Variants in TSPEAR observed in about 807,000 individuals in gnomAD.
TSPEAR encodes the protein thrombospondin-type laminin G domain and EAR repeat-containing protein.
In TSPEAR, 69 loss-of-function variants were observed where a neutral mutation model predicts 71.6. The observed-to-expected ratio is 0.96, with a 90% CI of 0.79 to 1.18. TSPEAR has a LOEUF of 1.18. Ranked by LOEUF, TSPEAR falls within the 50% of genes most tolerant of loss-of-function variation. The pLI, the probability that TSPEAR is intolerant of heterozygous loss-of-function variation, is 0.00. For synonymous variants in TSPEAR, 402 were observed against 387.2 expected (o/e 1.04, Z -0.45); for missense variants, 971 against 894.9 (o/e 1.09, Z -1.09).
intron 1 of TSPEAR, chr21:44,579,718 G>A (rs1474564851): frequency 2.5e-6 from 4 of 1,583,516 alleles, no homozygotes; most frequent in South Asian, 1.2e-5. Flanking sequence ...TTGGCCCTGG[G>A]GGATGTGCAC....
At chr21:44,657,876 T>C in intron 1 of TSPEAR, 1 of 1,096,964 alleles carries the variant, frequency 9.1e-7, no homozygotes, top group Non-Finnish European at 1.3e-6. Flanking sequence ...CAGTTGTGTT[T>C]TTGTGTTACC....
chr21:44,682,101 G>T, intron 1 of TSPEAR: 1 of 1,613,848 alleles, frequency 6.2e-7, no homozygotes, highest in Non-Finnish European at 8.5e-7. Context: ...CTGGCAGCCC[G>T]AGGAGCAGCT....
chr21:44,535,898 A>C (rs1291704113), intron 2 of TSPEAR, among the ~76,000 whole-genome samples: 5 of 8,652 alleles, frequency 5.8e-4, no homozygotes, highest in African/African-American at 2.4e-3. Context: ...ATGTTTATCA[A>C]AAAAAAAAAA....
chr21:44,648,827 G>A (rs986199133), intron 1 of TSPEAR, among the ~76,000 whole-genome samples: 4 of 152,248 alleles, frequency 2.6e-5, no homozygotes, highest in African/African-American at 7.2e-5. Flanking sequence ...CTGACATGCA[G>A]GTCTGCTGGT....
At chr21:44,652,906 C>G (rs1555941746) in intron 1 of TSPEAR, among the ~76,000 whole-genome samples, 1 of 152,130 alleles carries the variant, frequency 6.6e-6, no homozygotes. Context: ...CCTGTAATCC[C>G]AGCACTTTGG....
At chr21:44,697,870 A>C (rs782486202) in intron 1 of TSPEAR, 59 of 1,603,078 alleles carry the variant, frequency 3.7e-5, no homozygotes, top group East Asian at 6.7e-5. Context: ...CCTGCCAGCC[A>C]AGCTGCGGCC....
intron 1 of TSPEAR, among the ~76,000 whole-genome samples, chr21:44,652,306 T>C (rs587696939): frequency 2.6e-5 from 4 of 152,296 alleles, no homozygotes; most frequent in African/African-American, 9.6e-5. Context: ...GTTTAATTTT[T>C]TTCCTTAGAT....
chr21:44,526,504 AAACC>A (rs1415812590), intron 7 of TSPEAR, among the ~76,000 whole-genome samples: 1 of 152,124 alleles, frequency 6.6e-6, no homozygotes, highest in South Asian at 2.1e-4. Flanking sequence ...AAAAAAAAAA[AAACC>A]AACTAGTTAT....
At chr21:44,666,551 A>G in intron 1 of TSPEAR, 8 of 1,613,012 alleles carry the variant, frequency 5.0e-6, no homozygotes, top group Middle Eastern at 1.7e-4. Flanking sequence ...CATACACGAC[A>G]GGCCTGCAGC....
chr21:44,601,321 T>C (rs1213372112), intron 1 of TSPEAR: 5 of 1,611,710 alleles, frequency 3.1e-6, no homozygotes, highest in Non-Finnish European at 4.2e-6. Flanking sequence ...GCCTGTCTGC[T>C]GCAAGCCCGT....
At chr21:44,706,601 G>A (rs994079870) in intron 1 of TSPEAR, among the ~76,000 whole-genome samples, 1 of 152,206 alleles carries the variant, frequency 6.6e-6, no homozygotes, top group African/African-American at 2.4e-5. Context: ...TTGCTGGGTT[G>A]CGCTTCACCC....
intron 1 of TSPEAR, among the ~76,000 whole-genome samples, chr21:44,708,253 T>C (rs1462656659): frequency 1.3e-5 from 2 of 152,030 alleles, no homozygotes; most frequent in African/African-American, 2.4e-5. Context: ...GACAGAGGAC[T>C]GGGCTGCGGG....
rs2052717293 is a variant in TSPEAR at position 44,520,689 on chromosome 21, C to T, written c.1566+1194G>A. 6.6e-6 allele frequency: 1 copy of T among 152,354 alleles called. No individual in the cohort carries two copies. 9.4% of individuals were successfully genotyped at this position (152,354 alleles called of 1,614,324 possible). A position where few individuals can be genotyped will look rare whatever the true frequency, so the allele number is the denominator to read the frequency against. On this transcript the variant is annotated intron_variant, in intron 9 of 11. Coordinates refer to ENST00000323084, the MANE Select transcript of TSPEAR (RefSeq NM_144991.3). This position sits in a 1 kb window ranked among gnomAD's most constrained non-coding sequence, Gnocchi z 4.2. ...CCAGGAACCTGCGACTGCTGAACTC[C>T]ATCTTCCTCCCTTCTGTTTTGAAGC...
At chr21:44,672,146 CAGTCAGA>C (rs1555946050) in intron 1 of TSPEAR, among the ~76,000 whole-genome samples, 5 of 152,060 alleles carry the variant, frequency 3.3e-5, no homozygotes, top group Non-Finnish European at 7.4e-5. Context: ...TGAAACAACT[CAGTCAGA>C]CAAAAAGAAA....
intron 4 of TSPEAR, among the ~76,000 whole-genome samples, 185 bp downstream of exon 4, chr21:44,530,858 G>T (rs1324967234): frequency 6.6e-6 from 1 of 152,226 alleles, no homozygotes; most frequent in Non-Finnish European, 1.5e-5. Context: ...AAGACCATCA[G>T]GGAGGAGGGT....
At position 44,582,202 on chromosome 21, in the gene TSPEAR, G is replaced by A. The variant is rs140255170; in HGVS notation, c.83-14197C>T. On this transcript the variant is annotated intron_variant, in intron 1 of 11. Coordinates refer to ENST00000323084, the MANE Select transcript of TSPEAR (RefSeq NM_144991.3). Reference sequence around the variant, plus strand: ...AGGTGCGGTCTCCACATCAGCCACCGCGTGAGGGGTGACTCTGCAGCCCAT... The same window carrying A: ...AGGTGCGGTCTCCACATCAGCCACCACGTGAGGGGTGACTCTGCAGCCCAT... Among the ~76,000 whole-genome samples, 390 of 152,328 alleles carry A rather than the reference G, an allele frequency of 2.6e-3. 3 individuals are homozygous for A. The highest frequency in any genetic ancestry group is 8.5e-3 in the African/African-American group (353 of 41,568).
chr21:44,708,089 G>C (rs932801487), intron 1 of TSPEAR, among the ~76,000 whole-genome samples: 2 of 151,838 alleles, frequency 1.3e-5, no homozygotes, highest in African/African-American at 4.8e-5. Flanking sequence ...GAGCGAGCGA[G>C]AGAGGACGGG....
intron 2 of TSPEAR, chr21:44,539,858 G>C: frequency 6.3e-7 from 1 of 1,578,304 alleles, no homozygotes; most frequent in South Asian, 1.1e-5. Flanking sequence ...CACGCAGCAG[G>C]CCTGCTGGCA....
intron 1 of TSPEAR, among the ~76,000 whole-genome samples, chr21:44,694,806 G>C (rs911652768): frequency 2.0e-5 from 3 of 152,088 alleles, no homozygotes; most frequent in Non-Finnish European, 4.4e-5. Context: ...AAAGTGGCTC[G>C]AGTAGCTCGT....
Sources: gnomAD v4.1 joint callset for allele counts (sites outside exome capture counted in the v4.1 genomes callset) on GRCh38, gnomAD v4.1.1 for gene constraint, Gnocchi (gnomAD v3.1) non-coding constraint, MANE v1.5 for transcripts, NCBI Gene and HGNC (gene_info 2026-07-23, HGNC 2026-07-21) for gene names.